The following TMTC2 variants were observed in gnomAD, a reference collection of about 807,000 sequenced individuals.
TMTC2 encodes the protein protein O-mannosyl-transferase TMTC2.
TMTC2 carries 43 observed loss-of-function variants against 82.4 expected under a neutral mutation model. The ratio of observed to expected loss-of-function variants is 0.52; its 90% CI spans 0.41 to 0.67. TMTC2 has a LOEUF of 0.67. Among genes scored for constraint, TMTC2 ranks in the 30% least tolerant of loss-of-function variants. The pLI is 0.00. For synonymous variants in TMTC2, 408 were observed against 381.9 expected (o/e 1.07, Z -0.80); for missense variants, 919 against 1,012.4 (o/e 0.91, Z 1.25).
chr12:83,026,145 C>T (rs1383684645), intron 8 of TMTC2, among the ~76,000 whole-genome samples: 1 of 152,084 alleles, frequency 6.6e-6, no homozygotes, highest in East Asian at 1.9e-4. Context: ...GGTGACCAGC[C>T]CCCATCCAGG....
At position 82,696,963 on chromosome 12, in the gene TMTC2, C is replaced by CATATAT. The variant is rs1491534159; in HGVS notation, c.83+9294_83+9295insATATAT. Among the ~76,000 whole-genome samples, 16 of 121,420 alleles carry CATATAT rather than the reference C, an allele frequency of 1.3e-4. 1 individual carries two copies. The East Asian group carries it at 2.9e-3, about 22-fold the overall frequency. 79.7% of individuals were successfully genotyped at this position (121,420 alleles called of 152,430 possible). On this transcript the variant is annotated intron_variant, in intron 1 of 11. Coordinates refer to ENST00000321196, the MANE Select transcript of TMTC2 (RefSeq NM_152588.3). ...AGCTCTCTTTCTACATACATACATA[C>CATATAT]GTATATATATATATATATATGTTTC...
At chr12:83,008,450 C>T (rs1257397028) in intron 8 of TMTC2, among the ~76,000 whole-genome samples, 1 of 152,176 alleles carries the variant, frequency 6.6e-6, no homozygotes, top group East Asian at 1.9e-4. Flanking sequence ...CCTTAGCCAT[C>T]CTGGGTCTTC....
chr12:83,030,943 T>G, intron 9 of TMTC2, 64 bp downstream of exon 9: 13 of 1,224,880 alleles, frequency 1.1e-5, no homozygotes, highest in Non-Finnish European at 1.4e-5. Flanking sequence ...ATATGAGATC[T>G]AGGCTTTGCT....
At chr12:83,031,476 T>C (rs1440676036) in intron 9 of TMTC2, among the ~76,000 whole-genome samples, 4 of 152,150 alleles carry the variant, frequency 2.6e-5, no homozygotes, top group Non-Finnish European at 5.9e-5. Context: ...GTAGTGATCA[T>C]GTGTTTAGTG....
intron 11 of TMTC2, among the ~76,000 whole-genome samples, chr12:83,082,266 C>G (rs1191870881): frequency 6.6e-6 from 1 of 152,170 alleles, no homozygotes; most frequent in African/African-American, 2.4e-5. Flanking sequence ...AACATGTGTG[C>G]TGTATCATTT....
intron 11 of TMTC2, among the ~76,000 whole-genome samples, chr12:83,071,873 T>C (rs540612003): frequency 2.0e-5 from 3 of 152,336 alleles, no homozygotes; most frequent in South Asian, 4.1e-4. Flanking sequence ...GTTTTCTTAG[T>C]GAGGTTATTT....
At position 82,988,668 on chromosome 12, in the gene TMTC2, A is replaced by G. The variant is rs77985764; in HGVS notation, c.2070+2622A>G. Reference sequence around the variant, plus strand: ...CCTCCCCTATCCCATGCAGAATACCAGCAACACAGAGTTTACCCCCTTTCC... The same window carrying G: ...CCTCCCCTATCCCATGCAGAATACCGGCAACACAGAGTTTACCCCCTTTCC... On this transcript the variant is annotated intron_variant, in intron 8 of 11. Transcript: ENST00000321196. Among the ~76,000 whole-genome samples the G allele has an allele frequency of 8.1e-3, 1,230 of 151,896 alleles. 11 individuals are homozygous for G. Among genetic ancestry groups the G allele is most frequent in the African/African-American group, 0.029 (1,182 of 41,388 alleles).
At chr12:82,925,809 A>C (rs1783550871) in intron 3 of TMTC2, among the ~76,000 whole-genome samples, 1 of 152,112 alleles carries the variant, frequency 6.6e-6, no homozygotes, top group South Asian at 2.1e-4. Flanking sequence ...TGAGACAAAA[A>C]AAATATTGAA....
chr12:83,030,886 G>A lies in TMTC2; in HGVS notation c.2152+7G>A. The A allele has an allele frequency of 6.2e-7, 1 of 1,607,106 alleles. No homozygotes were observed. The highest frequency in any genetic ancestry group is 8.5e-7 in the Non-Finnish European group (1 of 1,173,960). On this transcript the variant is annotated splice_region_variant and intron_variant, in intron 9 of 11. Coordinates refer to ENST00000321196, the MANE Select transcript of TMTC2 (RefSeq NM_152588.3). ...AACTGTTACATGCATTATGGTGAGTGGTTGATAGTTTTTTTTCCATGTCCC... is the reference window on the plus strand; with the variant it reads ...AACTGTTACATGCATTATGGTGAGTAGTTGATAGTTTTTTTTCCATGTCCC...
Position 83,107,438 on chromosome 12 carries a change from C to T in TMTC2, c.2332-24772C>T, listed in dbSNP as rs1489146641. Among the ~76,000 whole-genome samples, 3 of 152,138 alleles carry T rather than the reference C, an allele frequency of 2.0e-5. No homozygotes were observed. The South Asian group carries it at 6.2e-4, about 32-fold the overall frequency. The stretch of plus-strand genomic sequence containing the variant: ...ATGGCAGGGGTATCACTTGGTGAGA[C>T]AGAGGAAATGTGCTAGCTCAAGTCA... On this transcript the variant is annotated intron_variant, in intron 11 of 11. Coordinates refer to ENST00000321196, the MANE Select transcript of TMTC2 (RefSeq NM_152588.3).
intron 8 of TMTC2, among the ~76,000 whole-genome samples, chr12:83,014,249 G>A (rs1311811719): frequency 2.0e-5 from 3 of 152,088 alleles, no homozygotes; most frequent in African/African-American, 7.2e-5. Flanking sequence ...CGTAACCTCT[G>A]CCTTCTGCAC....
intron 3 of TMTC2, among the ~76,000 whole-genome samples, chr12:82,907,082 C>T (rs1017731151): frequency 1.3e-5 from 2 of 152,076 alleles, no homozygotes; most frequent in Admixed American, 6.6e-5. Flanking sequence ...TAAATTAAGG[C>T]CCATTTTAAA....
At chr12:82,836,401 A>G (rs1205642822) in intron 1 of TMTC2, among the ~76,000 whole-genome samples, 1 of 152,256 alleles carries the variant, frequency 6.6e-6, no homozygotes, top group Non-Finnish European at 1.5e-5. Context: ...TATAAGGGAA[A>G]GAAGGAGGCT....
chr12:82,700,011 A>C (rs991761310), intron 1 of TMTC2, among the ~76,000 whole-genome samples: 1 of 152,162 alleles, frequency 6.6e-6, no homozygotes, highest in African/African-American at 2.4e-5. Context: ...AAATGATTTA[A>C]AGTATATGGG....
At chr12:82,725,878 A>G (rs1049769272) in intron 1 of TMTC2, among the ~76,000 whole-genome samples, 1 of 152,222 alleles carries the variant, frequency 6.6e-6, no homozygotes, top group African/African-American at 2.4e-5. Context: ...GTGGAGACCA[A>G]GGTTCTTTTG....
At chr12:83,097,589 C>T (rs1884072940) in intron 11 of TMTC2, among the ~76,000 whole-genome samples, 1 of 152,062 alleles carries the variant, frequency 6.6e-6, no homozygotes, top group Non-Finnish European at 1.5e-5. Context: ...TAAGTACAGT[C>T]CCTTCTATTT....
At chr12:82,733,115 G>A (rs1874913410) in intron 1 of TMTC2, among the ~76,000 whole-genome samples, 1 of 151,856 alleles carries the variant, frequency 6.6e-6, no homozygotes, top group Non-Finnish European at 1.5e-5. Context: ...TCTCCATTAT[G>A]CATACGTAAA....
chr12:82,900,907 A>AAT (rs542661097), intron 3 of TMTC2, among the ~76,000 whole-genome samples: 2,539 of 103,464 alleles, frequency 0.025, 290 homozygotes, highest in African/African-American at 0.097. Context: ...TATATATAGG[A>AAT]ATATATATAT....
intron 1 of TMTC2, among the ~76,000 whole-genome samples, chr12:82,732,349 T>G (rs1445996272): frequency 6.7e-6 from 1 of 148,236 alleles, no homozygotes; most frequent in East Asian, 2.0e-4. Flanking sequence ...TCTCATCATG[T>G]TTTTTTTTTA....
Sources: gnomAD v4.1 joint callset for allele counts (sites outside exome capture counted in the v4.1 genomes callset) on GRCh38, gnomAD v4.1.1 for gene constraint, MANE v1.5 for transcripts, NCBI Gene and HGNC (gene_info 2026-07-23, HGNC 2026-07-21) for gene names.